Variants in CPB2 observed in about 807,000 individuals in gnomAD.
The protein encoded by CPB2 is carboxypeptidase B2.
Under a neutral mutation model 57.0 loss-of-function variants are expected in CPB2, and 54 were observed. That is an observed-to-expected ratio of 0.95 (90% CI 0.76 to 1.19). The LOEUF (loss-of-function observed/expected upper bound fraction) is 1.19. Among genes scored for constraint, CPB2 ranks in the 50% most tolerant of loss-of-function variants. CPB2 has a pLI of 0.00. For synonymous variants in CPB2, 189 were observed against 178.1 expected (o/e 1.06, Z -0.49); for missense variants, 426 against 512.0 (o/e 0.83, Z 1.62).
chr13:46,084,826 TTTTATTTA>T (rs765454230), intron 2 of CPB2, among the ~76,000 whole-genome samples: 3 of 151,342 alleles, frequency 2.0e-5, no homozygotes, highest in Admixed American at 1.3e-4. Context: ...TTAATGTGCT[TTTTATTTA>T]TTTATTTATT....
chr13:46,058,032 G>T lies in CPB2; in HGVS notation c.999+147C>A, dbSNP rs571191174. Reference sequence around the variant, plus strand: ...ATTCCCTTAGAGAACACTGACCCAGGGTGACTCTCAACAGGATCACACCAT... The same window carrying T: ...ATTCCCTTAGAGAACACTGACCCAGTGTGACTCTCAACAGGATCACACCAT... On this transcript the variant is annotated intron_variant, in intron 9 of 10. Coordinates refer to ENST00000181383, the MANE Select transcript of CPB2 (RefSeq NM_001872.5). 6.1e-6 allele frequency: 4 copies of T among 651,630 alleles called. No individual in the cohort carries two copies. In the South Asian group the frequency reaches 7.6e-5, roughly 12 times the overall value. 40.4% of individuals were successfully genotyped at this position (651,630 alleles called of 1,614,324 possible).
At chr13:46,081,630 T>C (rs530388139) in intron 4 of CPB2, among the ~76,000 whole-genome samples, 4 of 152,322 alleles carry the variant, frequency 2.6e-5, no homozygotes, top group African/African-American at 9.6e-5. Flanking sequence ...GTCTTAGATG[T>C]CTTAAAAATA....
At chr13:46,073,800 C>T in intron 6 of CPB2, 73 bp downstream of exon 6, 1 of 931,472 alleles carries the variant, frequency 1.1e-6, no homozygotes, top group Non-Finnish European at 1.6e-6. Context: ...TAATAAATAG[C>T]CCAGTTGAGT....
chr13:46,100,259 A>G (rs1176331950), intron 1 of CPB2: 2 of 152,240 alleles, frequency 1.3e-5, no homozygotes, highest in African/African-American at 4.8e-5. Flanking sequence ...GAAGTTAAAA[A>G]TTCACCAAAA....
chr13:46,076,743 G>T (rs1382441295), intron 5 of CPB2, among the ~76,000 whole-genome samples: 1 of 151,972 alleles, frequency 6.6e-6, no homozygotes, highest in African/African-American at 2.4e-5. Context: ...ACAGACACAT[G>T]GACCAATGGA....
chr13:46,091,981 T>G (rs2045299822), intron 1 of CPB2, among the ~76,000 whole-genome samples: 1 of 152,242 alleles, frequency 6.6e-6, no homozygotes, highest in African/African-American at 2.4e-5. Flanking sequence ...ACAAGAACTA[T>G]TTTATTTAAA....
chr13:46,067,444 T>G, intron 6 of CPB2, 27 bp from the exon 7 acceptor site: 1 of 1,098,440 alleles, frequency 9.1e-7, no homozygotes, highest in Non-Finnish European at 1.4e-6. Flanking sequence ...GTATATTTAA[T>G]TAGATGTTTT....
chr13:46,101,732 T>C (rs1213150500), intron 1 of CPB2, among the ~76,000 whole-genome samples: 1 of 152,138 alleles, frequency 6.6e-6, no homozygotes, highest in African/African-American at 2.4e-5. Flanking sequence ...AAGTAAAGGC[T>C]GAAAGGGGAC....
intron 6 of CPB2, among the ~76,000 whole-genome samples, chr13:46,069,941 C>T (rs1029975593): frequency 1.2e-4 from 18 of 152,224 alleles, no homozygotes; most frequent in African/African-American, 2.2e-4. Flanking sequence ...TTTTGCCTGA[C>T]GACAAATAAA....
intron 1 of CPB2, among the ~76,000 whole-genome samples, chr13:46,088,641 G>A (rs2045245697): frequency 6.6e-6 from 1 of 152,102 alleles, no homozygotes; most frequent in Non-Finnish European, 1.5e-5. Context: ...AAGATTTCCT[G>A]TTGTTCTTCC....
At chr13:46,089,920 C>G (rs1264089214) in intron 1 of CPB2, among the ~76,000 whole-genome samples, 1 of 152,170 alleles carries the variant, frequency 6.6e-6, no homozygotes, top group African/African-American at 2.4e-5. Context: ...CGTACTAAGA[C>G]AGAATTAACC....
intron 2 of CPB2, among the ~76,000 whole-genome samples, chr13:46,085,483 A>T (rs534181410): frequency 6.6e-6 from 1 of 152,340 alleles, no homozygotes; most frequent in Admixed American, 6.5e-5. Flanking sequence ...GCATCCAGCC[A>T]GTAACCGAGT....
At chr13:46,071,398 C>A (rs1404203195) in intron 6 of CPB2, among the ~76,000 whole-genome samples, 1 of 152,132 alleles carries the variant, frequency 6.6e-6, no homozygotes, top group East Asian at 1.9e-4. Context: ...TGGCCACATT[C>A]TGGGTCTAAG....
At chr13:46,089,846 GC>G (rs17844018) in intron 1 of CPB2, among the ~76,000 whole-genome samples, 116,673 of 152,014 alleles carry the variant, frequency 0.77, 44,960 homozygotes, top group East Asian at 0.81. Context: ...AGAACCGTGA[GC>G]AATAAATTTC....
chr13:46,086,903 G>A (rs2139402254), intron 2 of CPB2, among the ~76,000 whole-genome samples: 1 of 152,370 alleles, frequency 6.6e-6, no homozygotes, highest in East Asian at 1.9e-4. Flanking sequence ...CAGCCAGGTT[G>A]TGACAACACC....
rs1217730927 is a variant in CPB2 at position 46,064,702 on chromosome 13, T to A, written c.742A>T (p.Asn248Tyr). ...WRKNRSFYAN[N>Y]HCIGTDLNRN... ...TTCAGGTCTGTTCCGATGCAATGATTGTTCGCATAGAAAGAACGGTTCTTT... is the reference window on the plus strand; with the variant it reads ...TTCAGGTCTGTTCCGATGCAATGATAGTTCGCATAGAAAGAACGGTTCTTT... Residue 248 changes from asparagine (N) to tyrosine (Y), a missense_variant, in exon 8 of 11, where the codon AAT (asparagine) becomes TAT (tyrosine). Coordinates refer to ENST00000181383, the MANE Select transcript of CPB2 (RefSeq NM_001872.5). 6.2e-7 allele frequency: 1 copy of A among 1,614,166 alleles called. No homozygotes were observed. The highest frequency in any genetic ancestry group is 8.5e-7 in the Non-Finnish European group (1 of 1,180,008).
At chr13:46,055,738 A>G in intron 10 of CPB2, 24 bp downstream of exon 10, 2 of 1,410,068 alleles carry the variant, frequency 1.4e-6, no homozygotes, top group South Asian at 2.5e-5. Flanking sequence ...AAAGTTCTCT[A>G]AGATCATAAG....
intron 1 of CPB2, among the ~76,000 whole-genome samples, chr13:46,091,024 GC>G (rs1376256617): frequency 6.6e-6 from 1 of 152,160 alleles, no homozygotes; most frequent in Admixed American, 6.5e-5. Flanking sequence ...GTGCCCGGCT[GC>G]ACATTTTTAA....
rs751828063 is a variant in CPB2, at chr13:46,084,214, C to T, written c.275+5G>A. On this transcript the variant is annotated splice_donor_5th_base_variant and intron_variant, in intron 3 of 10. Coordinates refer to ENST00000181383, the MANE Select transcript of CPB2 (RefSeq NM_001872.5). Reference sequence around the variant, plus strand: ...ACTACTCAATACGTATTGAACGGTGCCTACCTGCATGGAATTCCGCTCACA... The same window carrying T: ...ACTACTCAATACGTATTGAACGGTGTCTACCTGCATGGAATTCCGCTCACA... 1.2e-6 allele frequency: 2 copies of T among 1,614,002 alleles called. No homozygotes were observed. Among genetic ancestry groups the T allele is most frequent in the Non-Finnish European group, 1.7e-6 (2 of 1,179,932 alleles).
Sources: gnomAD v4.1 joint callset for allele counts (sites outside exome capture counted in the v4.1 genomes callset) on GRCh38, gnomAD v4.1.1 for gene constraint, MANE v1.5 for transcripts, NCBI Gene and HGNC (gene_info 2026-07-23, HGNC 2026-07-21) for gene names.